HOPX: variants seen among roughly 807,000 people sequenced by gnomAD.
HOPX encodes HOP homeobox.
A neutral mutation model predicts 11.8 loss-of-function variants in HOPX; 5 were observed. The ratio of observed to expected loss-of-function variants is 0.43; its 90% CI spans 0.22 to 0.89. HOPX has a LOEUF of 0.89. Ranked by LOEUF, HOPX falls within the 40% of genes least tolerant of loss-of-function variation. HOPX has a pLI of 0.28. For missense variants in HOPX, 119 were observed against 120.0 expected (o/e 0.99, Z 0.04); for synonymous variants, 49 against 49.7 (o/e 0.99, Z 0.06).
intron 3 of HOPX, among the ~76,000 whole-genome samples, chr4:56,655,519 G>A (rs1717606888): frequency 6.6e-6 from 1 of 152,260 alleles, no homozygotes; most frequent in South Asian, 2.1e-4. Flanking sequence ...ACAGGCGAGA[G>A]ACGCTGCTCC....
At chr4:56,655,592 G>T (rs1413934184) in intron 3 of HOPX, among the ~76,000 whole-genome samples, 2 of 112,734 alleles carry the variant, frequency 1.8e-5, no homozygotes, top group African/African-American at 8.3e-5. Flanking sequence ...AGAAAGGACT[G>T]GTGACCGAGG....
At chr4:56,656,330 G>C (rs1717734375) in intron 2 of HOPX, 1 of 1,070,356 alleles carries the variant, frequency 9.3e-7, no homozygotes, top group Non-Finnish European at 1.1e-6. Context: ...ATGATTCCGC[G>C]GGCCCTCACC....
chr4:56,669,037 C>T (rs1171409976), intron 1 of HOPX, among the ~76,000 whole-genome samples: 3 of 152,178 alleles, frequency 2.0e-5, no homozygotes, highest in Non-Finnish European at 4.4e-5. Flanking sequence ...TATGCATTTC[C>T]CGAAGTGTTA....
At chr4:56,659,763 T>A (rs12506911) in intron 1 of HOPX, among the ~76,000 whole-genome samples, 5,065 of 152,318 alleles carry the variant, frequency 0.033, 133 homozygotes, top group South Asian at 0.11. Context: ...AATTTAATCA[T>A]TAAAATCAAT....
At chr4:56,655,512 G>A (rs1056071484) in intron 3 of HOPX, among the ~76,000 whole-genome samples, 1 of 152,234 alleles carries the variant, frequency 6.6e-6, no homozygotes, top group Admixed American at 6.5e-5. Flanking sequence ...GACAGGGACA[G>A]GCGAGAGACG....
intron 3 of HOPX, chr4:56,650,460 C>T: frequency 3.8e-6 from 2 of 521,362 alleles, no homozygotes; most frequent in Admixed American, 6.8e-5. Context: ...AGTATATAAG[C>T]CCAAGATCAG....
chr4:56,660,892 G>C (rs1405483581), intron 1 of HOPX, among the ~76,000 whole-genome samples: 1 of 151,992 alleles, frequency 6.6e-6, no homozygotes, highest in Non-Finnish European at 1.5e-5. Flanking sequence ...TCCCCTTGCT[G>C]ACCTGCCCCC....
chr4:56,671,737 C>T (rs1718745808), intron 1 of HOPX, among the ~76,000 whole-genome samples: 1 of 152,098 alleles, frequency 6.6e-6, no homozygotes, highest in Non-Finnish European at 1.5e-5. Context: ...GCTCAGGGGA[C>T]AGCTTTGAAC....
At chr4:56,661,940 T>A (rs1718160487) in intron 1 of HOPX, among the ~76,000 whole-genome samples, 1 of 152,184 alleles carries the variant, frequency 6.6e-6, no homozygotes, top group South Asian at 2.1e-4. Context: ...TACCATTTTC[T>A]CCTCTACAGA....
chr4:56,656,201 T>A lies in HOPX; in HGVS notation c.43-189A>T, dbSNP rs375055548. The A allele has an allele frequency of 5.5e-5, 62 of 1,133,080 alleles. 1 individual carries two copies. In the East Asian group the frequency reaches 7.0e-4, roughly 13 times the overall value. 70.2% of individuals were successfully genotyped at this position (1,133,080 alleles called of 1,614,324 possible). ...CTTACGGCTGCCCCCCACCCGGGCC[T>A]CCCTCCCTGGACTGAGCGCTGTTGC... On this transcript the variant is annotated intron_variant, in intron 2 of 3. Coordinates refer to ENST00000420433, the MANE Select transcript of HOPX (RefSeq NM_032495.6).
intron 3 of HOPX, among the ~76,000 whole-genome samples, chr4:56,653,631 G>A (rs564514680): frequency 3.2e-3 from 488 of 152,290 alleles, no homozygotes; most frequent in Non-Finnish European, 5.5e-3. Flanking sequence ...GGAAGACAGA[G>A]GGGCAAGCCA....
rs184840973 is a variant in HOPX, at chr4:56,660,337, C to T, written c.-83-2438G>A. ...ATACATAGCATCATTGCTACCTTTACGGGAACAAGATCCCAAATCTAAATA... is the reference window on the plus strand; with the variant it reads ...ATACATAGCATCATTGCTACCTTTATGGGAACAAGATCCCAAATCTAAATA... On this transcript the variant is annotated intron_variant, in intron 1 of 3. Transcript: ENST00000420433. Among the ~76,000 whole-genome samples the T allele has an allele frequency of 1.6e-3, 241 of 152,226 alleles. 1 individual carries two copies. Among genetic ancestry groups the T allele is most frequent in the South Asian group, 4.1e-4 (2 of 4,830 alleles).
chr4:56,658,041 T>C (rs1717878213), intron 1 of HOPX, 142 bp from the exon 2 acceptor site: 4 of 616,090 alleles, frequency 6.5e-6, no homozygotes, highest in Non-Finnish European at 1.1e-5. Flanking sequence ...CTTGCTTCGC[T>C]TGAAAGAAAA....
intron 3 of HOPX, chr4:56,649,436 G>A (rs1367353104): frequency 1.3e-5 from 2 of 152,370 alleles, no homozygotes; most frequent in Non-Finnish European, 2.9e-5. Flanking sequence ...GTAGCAGTTA[G>A]TAAGAATTTG....
chr4:56,649,606 A>G (rs1716957216), intron 3 of HOPX: 2 of 152,258 alleles, frequency 1.3e-5, no homozygotes, highest in African/African-American at 4.8e-5. Context: ...TCAGCTCCGT[A>G]TGACTCAAAT....
intron 1 of HOPX, chr4:56,680,459 TTA>T (rs1241768448): frequency 2.6e-5 from 4 of 152,208 alleles, no homozygotes; most frequent in Non-Finnish European, 5.9e-5. Context: ...ATACTTAACC[TTA>T]CTTAACTAAA....
intron 1 of HOPX, among the ~76,000 whole-genome samples, chr4:56,670,892 G>C (rs1395265739): frequency 1.3e-5 from 2 of 151,922 alleles, no homozygotes; most frequent in Non-Finnish European, 2.9e-5. Context: ...AGCTACTCGG[G>C]AGGCTGAGGT....
chr4:56,660,785 A>G (rs1328699794), intron 1 of HOPX, among the ~76,000 whole-genome samples: 1 of 152,188 alleles, frequency 6.6e-6, no homozygotes, highest in Non-Finnish European at 1.5e-5. Flanking sequence ...CAAGTTATGA[A>G]GCATAAATTA....
chr4:56,650,925 G>T, intron 3 of HOPX: 1 of 1,066,994 alleles, frequency 9.4e-7, no homozygotes, highest in Non-Finnish European at 1.3e-6. Context: ...GTTAACTCTG[G>T]ATTCTGGTAT....
Sources: allele counts gnomAD v4.1 joint callset (sites outside exome capture counted in the v4.1 genomes callset), GRCh38; gene constraint gnomAD v4.1.1; transcripts MANE v1.5; gene names NCBI Gene and HGNC (gene_info 2026-07-23, HGNC 2026-07-21).